Variants in HTR2C observed in about 807,000 individuals in gnomAD.
HTR2C encodes 5-hydroxytryptamine (serotonin) receptor 2C, G protein-coupled.
Under a neutral mutation model 21.0 loss-of-function variants are expected in HTR2C, and 5 were observed. The observed-to-expected ratio is 0.24, with a 90% CI of 0.12 to 0.50. The LOEUF (loss-of-function observed/expected upper bound fraction) is 0.50, where lower values mean the gene tolerates loss of function less well. Among genes scored for constraint, HTR2C ranks in the 20% least tolerant of loss-of-function variants. The pLI is 0.98. For missense variants in HTR2C, 271 were observed against 371.2 expected, an observed-to-expected ratio of 0.73 and a Z score of 2.22; for synonymous variants, 150 against 145.3, an observed-to-expected ratio of 1.03 and a Z score of -0.23.
intron 4 of HTR2C, among the ~76,000 whole-genome samples, chrX:114,777,369 T>A (rs1213575921): frequency 8.9e-6 from 1 of 111,977 alleles, no homozygotes; most frequent in Non-Finnish European, 1.9e-5. Context: ...AGCATTGCAC[T>A]TGGCATTATG....
intron 2 of HTR2C, among the ~76,000 whole-genome samples, chrX:114,623,047 G>T (rs1397429429): frequency 8.9e-6 from 1 of 111,808 alleles, no homozygotes; most frequent in African/African-American, 3.3e-5. Context: ...CTGTGATCAG[G>T]TTTCCCACCA....
chrX:114,745,817 G>A (rs953995501), intron 4 of HTR2C, among the ~76,000 whole-genome samples: 1 of 111,369 alleles, frequency 9.0e-6, no homozygotes, highest in South Asian at 3.8e-4. Context: ...AAGGGTAGTG[G>A]GGGGGGATGG....
chrX:114,653,849 A>G (rs1352172509), intron 2 of HTR2C, among the ~76,000 whole-genome samples: 2 of 111,256 alleles, frequency 1.8e-5, no homozygotes, highest in Admixed American at 9.6e-5. Flanking sequence ...AAATCAGTAT[A>G]GGAAGATTAA....
At chrX:114,654,088 T>C (rs1436189559) in intron 2 of HTR2C, among the ~76,000 whole-genome samples, 1 of 109,966 alleles carries the variant, frequency 9.1e-6, no homozygotes, top group Non-Finnish European at 1.9e-5. Flanking sequence ...GTAAAATGGA[T>C]TAGAAAGTCT....
At chrX:114,826,348 G>A (rs1175130164) in intron 4 of HTR2C, among the ~76,000 whole-genome samples, 1 of 111,534 alleles carries the variant, frequency 9.0e-6, no homozygotes. Context: ...TTACAGGCAT[G>A]AGCCACCATG....
intron 2 of HTR2C, among the ~76,000 whole-genome samples, chrX:114,625,028 C>T (rs902811823): frequency 9.0e-6 from 1 of 111,487 alleles, no homozygotes; most frequent in Non-Finnish European, 1.9e-5. Flanking sequence ...TACATAAAAC[C>T]TCCAAATTTC....
chrX:114,793,045 T>C (rs1425542108), intron 4 of HTR2C, among the ~76,000 whole-genome samples: 1 of 111,710 alleles, frequency 9.0e-6, no homozygotes, highest in East Asian at 2.8e-4. Context: ...TTGCAGAAAT[T>C]TTCTCCCATT....
chrX:114,736,217 C>G (rs2069589421), intron 4 of HTR2C, among the ~76,000 whole-genome samples: 1 of 110,819 alleles, frequency 9.0e-6, no homozygotes, highest in South Asian at 3.8e-4. Flanking sequence ...ATCATAAACT[C>G]GAATGAAGAA....
rs1199870174 is a variant in HTR2C at position 114,615,642 on chromosome X, G to A, written c.-80+1761G>A. Among the ~76,000 whole-genome samples, 5 of 111,946 alleles carry A rather than the reference G, an allele frequency of 4.5e-5. No individual in the cohort carries two copies. In the Admixed American group the frequency reaches 4.7e-4, roughly 11 times the overall value. ...CGCCTGGTAGTAAAGACCAAGGTCA[G>A]CCTTACTAGAATGTGAAGTTCGCCA... On this transcript the variant is annotated intron_variant, in intron 2 of 5. Coordinates refer to ENST00000276198, the MANE Select transcript of HTR2C (RefSeq NM_000868.4).
chrX:114,600,045 G>A (rs1928021329), intron 1 of HTR2C, among the ~76,000 whole-genome samples: 1 of 111,268 alleles, frequency 9.0e-6, no homozygotes, highest in Non-Finnish European at 1.9e-5. Context: ...AAAGAGAAAG[G>A]GAAAGGAATC....
At chrX:114,802,694 CTT>C (rs2070359068) in intron 4 of HTR2C, among the ~76,000 whole-genome samples, 2 of 90,403 alleles carry the variant, frequency 2.2e-5, no homozygotes, top group African/African-American at 8.4e-5. Context: ...TTCTTTCTTT[CTT>C]TCTTTCTTTC....
chrX:114,909,981 G>A lies in HTR2C; in HGVS notation c.*2566G>A, dbSNP rs2071402789. ...TTTTTGTGAATGGTTGCAAAGTGTTGTCTTATTCCTAATTCCTGTATGTTA... is the reference window on the plus strand; with the variant it reads ...TTTTTGTGAATGGTTGCAAAGTGTTATCTTATTCCTAATTCCTGTATGTTA... On this transcript the variant is annotated 3_prime_UTR_variant, in exon 6 of 6. Transcript: ENST00000276198. 8.9e-6 allele frequency: 1 copy of A among 111,864 alleles called. No homozygotes were observed. The highest frequency in any genetic ancestry group is 1.9e-5 in the Non-Finnish European group (1 of 53,122). The allele number at this position is 111,864 out of a possible 1,213,427, so 9.2% of individuals were successfully genotyped here.
chrX:114,654,435 G>A (rs985991798), intron 2 of HTR2C, among the ~76,000 whole-genome samples: 1 of 109,381 alleles, frequency 9.1e-6, no homozygotes, highest in African/African-American at 3.3e-5. Flanking sequence ...AAAAGCTTTG[G>A]TATGCATATT....
chrX:114,657,504 G>A (rs1316849576), intron 2 of HTR2C, among the ~76,000 whole-genome samples: 4 of 110,506 alleles, frequency 3.6e-5, no homozygotes, highest in Non-Finnish European at 7.6e-5. Flanking sequence ...TATCACCTGC[G>A]TGTAATATGG....
At chrX:114,830,483 G>T (rs1387545035) in intron 4 of HTR2C, among the ~76,000 whole-genome samples, 1 of 111,003 alleles carries the variant, frequency 9.0e-6, no homozygotes, top group Non-Finnish European at 1.9e-5. Flanking sequence ...TACTTGTTTT[G>T]GGTATATGTG....
chrX:114,787,065 T>A (rs1359445231), intron 4 of HTR2C, among the ~76,000 whole-genome samples: 1 of 111,764 alleles, frequency 8.9e-6, no homozygotes, highest in Non-Finnish European at 1.9e-5. Flanking sequence ...ATATAGTCTT[T>A]GGCATGCATT....
At chrX:114,783,011 AGAAAG>A (rs1337427185) in intron 4 of HTR2C, among the ~76,000 whole-genome samples, 4 of 111,483 alleles carry the variant, frequency 3.6e-5, no homozygotes, top group Non-Finnish European at 7.5e-5. Flanking sequence ...AAAAAGGGTA[AGAAAG>A]GAAAGGAAAC....
At chrX:114,691,880 T>A (rs1184565763) in intron 2 of HTR2C, among the ~76,000 whole-genome samples, 2 of 111,943 alleles carry the variant, frequency 1.8e-5, no homozygotes, top group Non-Finnish European at 3.8e-5. Flanking sequence ...TAGCTTGGAA[T>A]TTTTGAAACC....
chrX:114,687,210 G>A (rs1206880813), intron 2 of HTR2C, among the ~76,000 whole-genome samples: 1 of 112,467 alleles, frequency 8.9e-6, no homozygotes, highest in Non-Finnish European at 1.9e-5. Flanking sequence ...AGCAAGATAC[G>A]AAGTGGGAAA....
Sources: gnomAD v4.1 joint callset for allele counts (sites outside exome capture counted in the v4.1 genomes callset) on GRCh38, gnomAD v4.1.1 for gene constraint, MANE v1.5 for transcripts, NCBI Gene and HGNC (gene_info 2026-07-23, HGNC 2026-07-21) for gene names.